Variants in DIP2C observed in about 807,000 individuals in gnomAD.
DIP2C encodes DIP2 acetate--CoA ligase C (putative).
Under a neutral mutation model 192.4 loss-of-function variants are expected in DIP2C, and 33 were observed. The ratio of observed to expected loss-of-function variants is 0.17; its 90% CI spans 0.13 to 0.23. The LOEUF is 0.23. Among genes scored for constraint, DIP2C ranks in the 10% least tolerant of loss-of-function variants. The probability of loss-of-function intolerance (pLI) is 1.00; values close to 1 mark genes in which losing one functional copy is unlikely to be tolerated. For synonymous variants in DIP2C, 979 were observed against 864.1 expected, an observed-to-expected ratio of 1.13 and a Z score of -2.33; for missense variants, 1,537 against 2,110.1, an observed-to-expected ratio of 0.73 and a Z score of 5.32.
intron 1 of DIP2C, among the ~76,000 whole-genome samples, chr10:589,223 T>C (rs553397594): frequency 6.6e-6 from 1 of 152,316 alleles, no homozygotes; most frequent in East Asian, 1.9e-4. Context: ...GTATGCATTC[T>C]GGACACAAGT....
chr10:274,363 A>T lies in DIP2C; in HGVS notation c.*2962T>A, dbSNP rs2132094727. 1 of 152,368 alleles carries T rather than the reference A, an allele frequency of 6.6e-6. No individual in the cohort carries two copies. Among genetic ancestry groups the T allele is most frequent in the African/African-American group, 2.4e-5 (1 of 41,592 alleles). 9.4% of individuals were successfully genotyped at this position (152,368 alleles called of 1,614,324 possible). A position where few individuals can be genotyped will look rare whatever the true frequency, so the allele number is the denominator to read the frequency against. ...CTAAGTAATGCAACAAATTATGTAA[A>T]CAGAGTCAGATACATTTCCCTGTAG... is the stretch of plus-strand genomic sequence containing the variant. On this transcript the variant is annotated 3_prime_UTR_variant, in exon 37 of 37. Transcript: ENST00000280886.
At chr10:628,804 GCTGT>G (rs1163668028) in intron 1 of DIP2C, 2 of 152,334 alleles carry the variant, frequency 1.3e-5, no homozygotes, top group East Asian at 3.8e-4. Flanking sequence ...GCTGTGTGCT[GCTGT>G]CTGTCGGCCA....
chr10:433,307 G>A (rs541960413), intron 4 of DIP2C, among the ~76,000 whole-genome samples: 7 of 152,150 alleles, frequency 4.6e-5, no homozygotes, highest in Admixed American at 2.0e-4. Flanking sequence ...TATCTTCTTG[G>A]AGAAAATAAT....
At chr10:315,070 G>A (rs1188150976) in intron 31 of DIP2C, among the ~76,000 whole-genome samples, 1 of 152,048 alleles carries the variant, frequency 6.6e-6, no homozygotes, top group Non-Finnish European at 1.5e-5. Flanking sequence ...TACCCTCTGT[G>A]TATTTTTTGA....
At chr10:395,617 A>C (rs1963926521) in intron 10 of DIP2C, among the ~76,000 whole-genome samples, 1 of 152,124 alleles carries the variant, frequency 6.6e-6, no homozygotes, top group East Asian at 1.9e-4. Flanking sequence ...TGCGTTCTCC[A>C]CAGCTTTCTG....
chr10:532,682 GGT>G (rs765264543), intron 1 of DIP2C, among the ~76,000 whole-genome samples: 4 of 70,404 alleles, frequency 5.7e-5, no homozygotes, highest in Admixed American at 1.3e-4. Context: ...AGAGAGTATG[GGT>G]GTGAGAGAGT....
intron 1 of DIP2C, among the ~76,000 whole-genome samples, chr10:521,258 A>C (rs1378870677): frequency 6.6e-6 from 1 of 152,156 alleles, no homozygotes; most frequent in Non-Finnish European, 1.5e-5. Flanking sequence ...GCAGCAAACA[A>C]AGGAACAGCA....
intron 29 of DIP2C, 40 bp from the exon 30 acceptor site, chr10:329,641 A>AAG (rs1261564500): frequency 2.3e-6 from 1 of 435,946 alleles, no homozygotes; most frequent in African/African-American, 2.1e-5. Context: ...GGAGCTCAGC[A>AAG]AGGCTGGAGC....
At chr10:514,075 T>C (rs1296082367) in intron 1 of DIP2C, among the ~76,000 whole-genome samples, 1 of 152,204 alleles carries the variant, frequency 6.6e-6, no homozygotes, top group African/African-American at 2.4e-5. Context: ...AGTGCCCACC[T>C]TCTGCCTATA....
At chr10:532,746 AG>A (rs1847483759) in intron 1 of DIP2C, among the ~76,000 whole-genome samples, 1 of 130,438 alleles carries the variant, frequency 7.7e-6, no homozygotes, top group Admixed American at 7.8e-5. Context: ...TGTGAGAGAG[AG>A]TATGGGTGTG....
chr10:640,590 T>C (rs369515761), intron 1 of DIP2C, among the ~76,000 whole-genome samples: 6 of 151,100 alleles, frequency 4.0e-5, no homozygotes, highest in African/African-American at 1.5e-4. Flanking sequence ...GGGACGAGGG[T>C]GCGTGCCGGG....
chr10:412,067 T>C (rs1049764751), intron 8 of DIP2C, among the ~76,000 whole-genome samples: 4 of 152,222 alleles, frequency 2.6e-5, no homozygotes, highest in African/African-American at 4.8e-5. Flanking sequence ...TTCATATGAA[T>C]ATTCAGTCTG....
intron 17 of DIP2C, among the ~76,000 whole-genome samples, chr10:378,652 CAT>C (rs1564635936): frequency 6.7e-6 from 1 of 148,466 alleles, no homozygotes; most frequent in Admixed American, 6.7e-5. Flanking sequence ...TAAAGACACA[CAT>C]GAACAGATAT....
intron 1 of DIP2C, among the ~76,000 whole-genome samples, chr10:505,436 AATCT>A (rs1845529297): frequency 6.6e-6 from 1 of 152,160 alleles, no homozygotes; most frequent in African/African-American, 2.4e-5. Flanking sequence ...CAACCTTTCC[AATCT>A]ATTAACCCCC....
intron 1 of DIP2C, chr10:650,699 T>C: frequency 1.6e-6 from 1 of 621,424 alleles, no homozygotes; most frequent in Non-Finnish European, 2.9e-6. Context: ...AGAGCCCAGA[T>C]GGCTTCTGGC....
At chr10:684,001 G>A (rs775631030) in intron 1 of DIP2C, among the ~76,000 whole-genome samples, 3 of 152,254 alleles carry the variant, frequency 2.0e-5, no homozygotes, top group Non-Finnish European at 4.4e-5. Flanking sequence ...GAGGCTGAGC[G>A]GGAAGCGCGT....
intron 2 of DIP2C, among the ~76,000 whole-genome samples, chr10:479,328 C>CTTTTTT (rs766379689): frequency 1.1e-5 from 1 of 88,412 alleles, no homozygotes; most frequent in Non-Finnish European, 2.2e-5. Context: ...TCTCACACTG[C>CTTTTTT]TTTTTTTTTT....
chr10:309,924 C>T (rs1024142118), intron 32 of DIP2C, 107 bp downstream of exon 32: 4 of 1,076,566 alleles, frequency 3.7e-6, no homozygotes, highest in Middle Eastern at 2.1e-4. Flanking sequence ...ACACTCTGGG[C>T]AGATAAACAT....
Position 516,234 on chromosome 10 carries a change from A to C in DIP2C, c.86-29704T>G, listed in dbSNP as rs1385959441. On this transcript the variant is annotated intron_variant, in intron 1 of 36. Transcript: ENST00000280886. Reference sequence around the variant, plus strand: ...GACAAGCAGATGACAGCTTTTCCAAAATGTTCCCACGTTTATAACCTGTTG... The same window carrying C: ...GACAAGCAGATGACAGCTTTTCCAACATGTTCCCACGTTTATAACCTGTTG... Among the ~76,000 whole-genome samples, 3 of 131,500 alleles carry C rather than the reference A, an allele frequency of 2.3e-5. No homozygotes were observed. The Admixed American group carries it at 2.4e-4, about 10-fold the overall frequency. The allele number at this position is 131,500 out of a possible 152,430, so 86.3% of individuals were successfully genotyped here. A position where few individuals can be genotyped will look rare whatever the true frequency, so the allele number is the denominator to read the frequency against.
Sources: gnomAD v4.1 joint callset for allele counts (sites outside exome capture counted in the v4.1 genomes callset) on GRCh38, gnomAD v4.1.1 for gene constraint, MANE v1.5 for transcripts, NCBI Gene and HGNC (gene_info 2026-07-23, HGNC 2026-07-21) for gene names.